The following AFG3L2 variants were observed in gnomAD, a reference collection of about 807,000 sequenced individuals.
AFG3L2 encodes mitochondrial inner membrane m-AAA protease component AFG3L2.
Under a neutral mutation model 94.5 loss-of-function variants are expected in AFG3L2, and 54 were observed. That is an observed-to-expected ratio of 0.57 (90% CI 0.46 to 0.72). The LOEUF is 0.72. AFG3L2 is among the 30% of genes least tolerant of loss of function. The pLI, the probability that AFG3L2 is intolerant of heterozygous loss-of-function variation, is 0.00. For synonymous variants in AFG3L2, 377 were observed against 365.5 expected (o/e 1.03, Z -0.36); for missense variants, 754 against 994.9 (o/e 0.76, Z 3.26).
At chr18:12,347,479 C>T (rs1908178387) in intron 13 of AFG3L2, among the ~76,000 whole-genome samples, 1 of 152,194 alleles carries the variant, frequency 6.6e-6, no homozygotes, top group African/African-American at 2.4e-5. Context: ...ACTGTGTGCG[C>T]TCCCCCTATG....
intron 14 of AFG3L2, chr18:12,342,829 T>G (rs1004037657): frequency 3.9e-5 from 6 of 152,184 alleles, no homozygotes; most frequent in African/African-American, 1.2e-4. Context: ...AAGTTTGTGG[T>G]TCACTTTCCG....
chr18:12,372,194 C>T (rs554735268), intron 1 of AFG3L2, among the ~76,000 whole-genome samples: 2 of 152,268 alleles, frequency 1.3e-5, no homozygotes, highest in East Asian at 3.9e-4. Context: ...ATCCTAGCTA[C>T]TCGGGAGGCT....
At chr18:12,351,678 C>A (rs1908323589) in intron 10 of AFG3L2, among the ~76,000 whole-genome samples, 1 of 151,944 alleles carries the variant, frequency 6.6e-6, no homozygotes, top group Non-Finnish European at 1.5e-5. Context: ...TCCCGAGTAG[C>A]TGGGATTACA....
chr18:12,340,035 C>A (rs1348318093), intron 15 of AFG3L2, among the ~76,000 whole-genome samples, 166 bp downstream of exon 15: 1 of 151,994 alleles, frequency 6.6e-6, no homozygotes, highest in African/African-American at 2.4e-5. Context: ...AATAAAGTTT[C>A]TCTTCATAAG....
chr18:12,329,902 T>C, intron 16 of AFG3L2, 119 bp from the exon 17 acceptor site: 2 of 864,980 alleles, frequency 2.3e-6, no homozygotes, highest in South Asian at 3.0e-5. Flanking sequence ...ATGAAAAAGA[T>C]GTCTCATACA....
intron 14 of AFG3L2, chr18:12,342,198 G>A (rs1373035081): frequency 1.3e-5 from 2 of 152,106 alleles, no homozygotes; most frequent in Non-Finnish European, 2.9e-5. Context: ...ACGTGTGAGC[G>A]TTTCAACTGC....
intron 9 of AFG3L2, among the ~76,000 whole-genome samples, chr18:12,354,132 AC>A (rs1555672008): frequency 0.012 from 676 of 55,848 alleles, 1 homozygote; most frequent in African/African-American, 0.023. Context: ...GCCCACTCCC[AC>A]CCCCCCCCCC....
intron 16 of AFG3L2, among the ~76,000 whole-genome samples, chr18:12,333,030 A>AATAT (rs1907605746): frequency 1.5e-5 from 1 of 66,298 alleles, no homozygotes; most frequent in African/African-American, 4.6e-5. Context: ...AATAATATAT[A>AATAT]AAAATATATA....
chr18:12,339,721 C>T (rs997896831), intron 15 of AFG3L2, among the ~76,000 whole-genome samples: 1 of 151,108 alleles, frequency 6.6e-6, no homozygotes, highest in Non-Finnish European at 1.5e-5. Context: ...TGGTGGTGGG[C>T]GCCTGTAACC....
At position 12,377,074 on chromosome 18, in the gene AFG3L2, G is replaced by A. The variant is rs1172228973; in HGVS notation, c.9C>T (p.His3=). Residue 3 remains histidine, a synonymous_variant, in exon 1 of 17, where the codon CAC becomes CAT. Coordinates refer to ENST00000269143, the MANE Select transcript of AFG3L2 (RefSeq NM_006796.3). The part of the protein sequence containing the change: MA[H]RCLRLWGRGG... ...CCCGGCCCCACAGCCGCAAACAGCG[G>A]TGCGCCATGGCCGCCGCCGTGGCCC... 1.1e-5 allele frequency: 15 copies of A among 1,424,526 alleles called. No homozygotes were observed. Among genetic ancestry groups the A allele is most frequent in the South Asian group, 1.4e-5 (1 of 71,942 alleles). The allele number at this position is 1,424,526 out of a possible 1,614,324, so 88.2% of individuals were successfully genotyped here.
intron 16 of AFG3L2, among the ~76,000 whole-genome samples, chr18:12,333,629 T>G (rs1351880301): frequency 1.3e-5 from 2 of 151,946 alleles, no homozygotes; most frequent in Admixed American, 1.3e-4. Flanking sequence ...CCTCCCAAAG[T>G]GCTGGGATTA....
chr18:12,340,457 A>T (rs2143125542), intron 14 of AFG3L2, 56 bp from the exon 15 acceptor site: 1 of 1,336,714 alleles, frequency 7.5e-7, no homozygotes, highest in African/African-American at 1.4e-5. Flanking sequence ...CTTGATCAAA[A>T]CATCTGTGTA....
Position 12,356,905 on chromosome 18 carries a change from C to T in AFG3L2, c.1027-74G>A, listed in dbSNP as rs990167893. Reference sequence around the variant, plus strand: ...TAAATTGTGTATCCACAAATAATTACAAGATATAACTCTGTCTCTAAATCT... The same window carrying T: ...TAAATTGTGTATCCACAAATAATTATAAGATATAACTCTGTCTCTAAATCT... On this transcript the variant is annotated intron_variant, in intron 8 of 16. Transcript: ENST00000269143. 8.5e-6 allele frequency: 12 copies of T among 1,418,154 alleles called. No individual in the cohort carries two copies. In the East Asian group the frequency reaches 1.2e-4, roughly 14 times the overall value. The allele number at this position is 1,418,154 out of a possible 1,614,324, so 87.8% of individuals were successfully genotyped here.
At chr18:12,330,305 G>A (rs551078978) in intron 16 of AFG3L2, among the ~76,000 whole-genome samples, 49 of 146,966 alleles carry the variant, frequency 3.3e-4, no homozygotes, top group African/African-American at 1.2e-3. Flanking sequence ...CAGCCTGGGC[G>A]ACAGAGCGAG....
chr18:12,359,485 T>C (rs1454169007), intron 7 of AFG3L2, among the ~76,000 whole-genome samples: 1 of 152,146 alleles, frequency 6.6e-6, no homozygotes, highest in Non-Finnish European at 1.5e-5. Flanking sequence ...ACAACTGTAA[T>C]CCCAGCACTT....
chr18:12,367,367 G>A lies in AFG3L2; in HGVS notation c.308C>T (p.Ala103Val), dbSNP rs1245488345. ...MGEKKESKPA[A>V]TTRSSGGGGG... ...TCCTCCTCCAGAAGAGCGTGTGGTAGCAGCTGGCTTTGATTCTGTTCATAA... is the reference window on the plus strand; with the variant it reads ...TCCTCCTCCAGAAGAGCGTGTGGTAACAGCTGGCTTTGATTCTGTTCATAA... Residue 103 changes from alanine (A) to valine (V), a missense_variant, in exon 4 of 17, where the codon GCT becomes GTT. This residue lies in a region of AFG3L2 where 236 missense variants were observed against 214.0 expected (regional missense o/e 1.10). Coordinates refer to ENST00000269143, the MANE Select transcript of AFG3L2 (RefSeq NM_006796.3). 2 of 1,614,040 alleles carry A rather than the reference G, an allele frequency of 1.2e-6. No individual in the cohort carries two copies. Among genetic ancestry groups the A allele is most frequent in the African/African-American group, 2.7e-5 (2 of 74,930 alleles).
Position 12,337,387 on chromosome 18 carries a change from T to C in AFG3L2, c.2129A>G (p.Lys710Arg), listed in dbSNP as rs771747701. 1 of 1,614,246 alleles carries C rather than the reference T, an allele frequency of 6.2e-7. No homozygotes were observed. The highest frequency in any genetic ancestry group is 1.3e-5 in the African/African-American group (1 of 75,078). The change falls in exon 16 of 17, where the codon AAA becomes AGA. Residue 710 changes from lysine to arginine, a missense_variant. Physicochemically the swap from Lys to Arg is conservative, Grantham distance 26 (BLOSUM62 2). Coordinates refer to ENST00000269143, the MANE Select transcript of AFG3L2 (RefSeq NM_006796.3). ...EVRILINDAYKRTVALLTEKK... is the reference protein window; with the variant it reads ...EVRILINDAYRRTVALLTEKK... The stretch of plus-strand genomic sequence containing the variant: ...TTCTGTGAGAAGAGCTACTGTTCTT[T>C]TATAAGCATCATTAATAAGTATTCG...
chr18:12,333,642 G>A (rs1907655517), intron 16 of AFG3L2, among the ~76,000 whole-genome samples: 1 of 152,032 alleles, frequency 6.6e-6, no homozygotes, highest in Admixed American at 6.6e-5. Flanking sequence ...TGGGATTATA[G>A]ACATGTGCCA....
intron 6 of AFG3L2, among the ~76,000 whole-genome samples, chr18:12,360,989 A>G (rs1908642359): frequency 1.3e-5 from 2 of 152,346 alleles, no homozygotes; most frequent in East Asian, 1.9e-4. Context: ...GCTCCATTTT[A>G]TAGTACAAAA....
Sources: allele counts gnomAD v4.1 joint callset (sites outside exome capture counted in the v4.1 genomes callset), GRCh38; gene constraint gnomAD v4.1.1; regional missense constraint gnomAD v4.1.1; transcripts MANE v1.5; gene names NCBI Gene and HGNC (gene_info 2026-07-23, HGNC 2026-07-21).